The following DPF3 variants were observed in gnomAD, a reference collection of about 807,000 sequenced individuals.
DPF3 encodes the protein double PHD fingers 3, also known as zinc finger protein DPF3.
Under a neutral mutation model 56.8 loss-of-function variants are expected in DPF3, and 18 were observed. That is an observed-to-expected ratio of 0.32 (90% CI 0.22 to 0.47). DPF3 has a LOEUF of 0.47. Ranked by LOEUF, DPF3 falls within the 20% of genes least tolerant of loss-of-function variation. The pLI is 1.00. For missense variants in DPF3, 403 were observed against 488.8 expected (o/e 0.82, Z 1.65); for synonymous variants, 188 against 180.2 (o/e 1.04, Z -0.35).
chr14:72,753,704 G>A (rs765768047), intron 2 of DPF3, among the ~76,000 whole-genome samples: 2 of 152,216 alleles, frequency 1.3e-5, no homozygotes, highest in Non-Finnish European at 2.9e-5. Context: ...CTCCAAAGCA[G>A]TGGATCTCTA....
At chr14:72,682,337 A>G (rs1039507484) in intron 7 of DPF3, among the ~76,000 whole-genome samples, 1 of 152,012 alleles carries the variant, frequency 6.6e-6, no homozygotes, top group African/African-American at 2.4e-5. Flanking sequence ...GATATGGGTC[A>G]GTTCATGCCC....
intron 1 of DPF3, among the ~76,000 whole-genome samples, chr14:72,773,042 A>C (rs1245018025): frequency 1.3e-5 from 2 of 152,174 alleles, no homozygotes; most frequent in East Asian, 3.8e-4. Flanking sequence ...CAGAAAGCCA[A>C]AATGAGAGGG....
intron 8 of DPF3, among the ~76,000 whole-genome samples, chr14:72,649,667 G>T (rs1195203787): frequency 7.9e-6 from 1 of 126,596 alleles, no homozygotes. Context: ...GGGTGGGGGG[G>T]GGGATTAATG....
chr14:72,682,158 G>C (rs1014910903), intron 7 of DPF3, among the ~76,000 whole-genome samples: 1 of 149,854 alleles, frequency 6.7e-6, no homozygotes, highest in Non-Finnish European at 1.5e-5. Context: ...AGGTTGCAGT[G>C]AGCCAAGATT....
rs1481584303 is a variant in DPF3 at position 72,609,590 on chromosome 14, C to T, written c.*9707G>A. Among the ~76,000 whole-genome samples the T allele has an allele frequency of 2.0e-5, 3 of 152,098 alleles. No individual in the cohort carries two copies. Among genetic ancestry groups the T allele is most frequent in the South Asian group, 2.1e-4 (1 of 4,814 alleles). On this transcript the variant is annotated 3_prime_UTR_variant, in exon 11 of 11. Transcript: ENST00000556509. Reference sequence around the variant, plus strand: ...TCACAGCACTTCACGTTAGGAACCACGAAAGAGTGGGAACCTGACACACGT... The same window carrying T: ...TCACAGCACTTCACGTTAGGAACCATGAAAGAGTGGGAACCTGACACACGT...
At chr14:72,721,133 T>C (rs1889153322) in intron 5 of DPF3, among the ~76,000 whole-genome samples, 1 of 152,142 alleles carries the variant, frequency 6.6e-6, no homozygotes, top group African/African-American at 2.4e-5. Context: ...AGTGCAGAAA[T>C]AGAGATAGGA....
intron 2 of DPF3, among the ~76,000 whole-genome samples, chr14:72,754,156 G>A (rs1012360834): frequency 5.3e-5 from 8 of 152,168 alleles, no homozygotes; most frequent in African/African-American, 1.9e-4. Context: ...TGTGGCTCTG[G>A]TGGCAGCCAC....
chr14:72,850,251 G>T (rs919509212), intron 1 of DPF3, among the ~76,000 whole-genome samples: 5 of 152,180 alleles, frequency 3.3e-5, no homozygotes, highest in Non-Finnish European at 7.3e-5. Context: ...TGGGTTGAAT[G>T]TGAACATCCT....
chr14:72,691,989 G>T lies in DPF3; in HGVS notation c.742+1087C>A, dbSNP rs150293179. On this transcript the variant is annotated intron_variant, in intron 7 of 10. Transcript: ENST00000556509. ...ACCCATAAAGAAGGCAATATTACGA[G>T]GGGAAAGTGGGGTGGAGGTTAAGGG... Among the ~76,000 whole-genome samples, 7 of 152,266 alleles carry T rather than the reference G, an allele frequency of 4.6e-5. No homozygotes were observed. In the East Asian group the frequency reaches 1.4e-3, roughly 29 times the overall value.
At chr14:72,861,169 C>T (rs539330048) in intron 1 of DPF3, among the ~76,000 whole-genome samples, 18 of 152,034 alleles carry the variant, frequency 1.2e-4, no homozygotes, top group African/African-American at 3.9e-4. Flanking sequence ...TTCCTCCCTC[C>T]CTCTCTCGCT....
intron 1 of DPF3, among the ~76,000 whole-genome samples, chr14:72,811,637 A>G (rs1307857235): frequency 6.6e-6 from 1 of 152,240 alleles, no homozygotes. Context: ...ATTTCCAAAA[A>G]GTCTCCACAT....
chr14:72,814,251 C>A (rs1282555735), intron 1 of DPF3, among the ~76,000 whole-genome samples: 3 of 152,136 alleles, frequency 2.0e-5, no homozygotes, highest in African/African-American at 7.2e-5. Flanking sequence ...GCTTCCCAGG[C>A]CTTCACCCTT....
In DPF3 at chr14:72,619,215, G is replaced by A; in HGVS notation, c.*82C>T. The A allele has an allele frequency of 7.3e-7, 1 of 1,371,552 alleles. No individual in the cohort carries two copies. Among genetic ancestry groups the A allele is most frequent in the Non-Finnish European group, 9.9e-7 (1 of 1,007,394 alleles). 85.0% of individuals were successfully genotyped at this position (1,371,552 alleles called of 1,614,324 possible). A position where few individuals can be genotyped will look rare whatever the true frequency, so the allele number is the denominator to read the frequency against. On this transcript the variant is annotated 3_prime_UTR_variant, in exon 11 of 11. Transcript: ENST00000556509. ...CCTTGCAGTTGGTCTGGCTGGATATGTGGGAGGAGGGCGCGTTCTGGTTTG... is the reference window on the plus strand; with the variant it reads ...CCTTGCAGTTGGTCTGGCTGGATATATGGGAGGAGGGCGCGTTCTGGTTTG...
chr14:72,714,460 G>A lies in DPF3; in HGVS notation c.567C>T (p.Ala189=). Residue 189 remains alanine, a synonymous_variant, in exon 6 of 11, where the codon GCC becomes GCT. Coordinates refer to ENST00000556509, the MANE Select transcript of DPF3 (RefSeq NM_001280542.3). Reference sequence around the variant, plus strand: ...AAGGTTTGTCGTGGTCTTCCTGAGAGGCGGCGTCGTGCCTCCTCCTGCCCC... The same window carrying A: ...AAGGTTTGTCGTGGTCTTCCTGAGAAGCGGCGTCGTGCCTCCTCCTGCCCC... ...SAGGRRRHDA[A]SQEDHDKPYV... The A allele has an allele frequency of 6.2e-7, 1 of 1,613,888 alleles. No homozygotes were observed. Among genetic ancestry groups the A allele is most frequent in the Non-Finnish European group, 8.5e-7 (1 of 1,179,804 alleles).
intron 7 of DPF3, chr14:72,675,418 C>T (rs1177326989): frequency 6.6e-6 from 1 of 152,204 alleles, no homozygotes; most frequent in African/African-American, 2.4e-5. Flanking sequence ...TGGGATCAGC[C>T]CTAACCACCC....
At chr14:72,800,073 C>T (rs1892808813) in intron 1 of DPF3, among the ~76,000 whole-genome samples, 1 of 152,164 alleles carries the variant, frequency 6.6e-6, no homozygotes, top group Admixed American at 6.5e-5. Context: ...GATGCACATC[C>T]CACCATTTGA....
rs922489691 is a variant in DPF3, at chr14:72,613,740, G to T, written c.*5557C>A. ...CTAGAAAACCCATGGTACGGAACTGGCAAGCCCGGACCCCTCCTCCTCAGA... is the reference window on the plus strand; with the variant it reads ...CTAGAAAACCCATGGTACGGAACTGTCAAGCCCGGACCCCTCCTCCTCAGA... On this transcript the variant is annotated 3_prime_UTR_variant, in exon 11 of 11. Coordinates refer to ENST00000556509, the MANE Select transcript of DPF3 (RefSeq NM_001280542.3). Among the ~76,000 whole-genome samples the T allele has an allele frequency of 6.6e-6, 1 of 152,154 alleles. No individual in the cohort carries two copies. The highest frequency in any genetic ancestry group is 1.5e-5 in the Non-Finnish European group (1 of 68,030).
chr14:72,800,516 G>A lies in DPF3; in HGVS notation c.33-28623C>T, dbSNP rs116460037. Among the ~76,000 whole-genome samples the A allele has an allele frequency of 4.4e-3, 668 of 152,164 alleles. 8 individuals are homozygous for A. Among genetic ancestry groups the A allele is most frequent in the African/African-American group, 0.016 (646 of 41,494 alleles). ...TGGATGGATGGATGCATGGATGGATGGATGGTTGCATGGATGGATGGATGC... is the reference window on the plus strand; with the variant it reads ...TGGATGGATGGATGCATGGATGGATAGATGGTTGCATGGATGGATGGATGC... On this transcript the variant is annotated intron_variant, in intron 1 of 10. Transcript: ENST00000556509.
intron 1 of DPF3, among the ~76,000 whole-genome samples, chr14:72,882,235 T>G (rs1244584961): frequency 6.6e-6 from 1 of 152,244 alleles, no homozygotes; most frequent in Admixed American, 6.5e-5. Context: ...AAAGCCAGAC[T>G]TTTAACACAA....
Sources: gnomAD v4.1 joint callset for allele counts (sites outside exome capture counted in the v4.1 genomes callset) on GRCh38, gnomAD v4.1.1 for gene constraint, MANE v1.5 for transcripts, NCBI Gene and HGNC (gene_info 2026-07-23, HGNC 2026-07-21) for gene names.